The following KSR2 variants were observed in gnomAD, a reference collection of about 807,000 sequenced individuals.
KSR2 encodes kinase suppressor of ras 2.
Under a neutral mutation model 107.8 loss-of-function variants are expected in KSR2, and 25 were observed. The observed-to-expected ratio is 0.23, with a 90% CI of 0.17 to 0.32. KSR2 has a LOEUF of 0.32. KSR2 is among the 10% of genes least tolerant of loss of function. The probability of loss-of-function intolerance (pLI) is 1.00; values close to 1 mark genes in which losing one functional copy is unlikely to be tolerated. For synonymous variants in KSR2, 480 were observed against 507.0 expected, an observed-to-expected ratio of 0.95 and a Z score of 0.71; for missense variants, 887 against 1,268.9, an observed-to-expected ratio of 0.70 and a Z score of 4.57.
At chr12:117,485,786 C>T (rs1015237735) in intron 14 of KSR2, 95 bp from the exon 15 acceptor site, 16 of 803,432 alleles carry the variant, frequency 2.0e-5, no homozygotes, top group African/African-American at 5.0e-5. Context: ...GGCATAGACA[C>T]GTGGACATGC....
chr12:117,519,134 A>T (rs1874576707), intron 14 of KSR2, among the ~76,000 whole-genome samples: 1 of 152,214 alleles, frequency 6.6e-6, no homozygotes, highest in Non-Finnish European at 1.5e-5. Flanking sequence ...CGTTAGTGGA[A>T]TGTGCTAGCA....
intron 1 of KSR2, among the ~76,000 whole-genome samples, chr12:117,881,988 G>A (rs981359947): frequency 3.6e-4 from 55 of 152,270 alleles, no homozygotes; most frequent in East Asian, 5.8e-4. Context: ...AGTGTCCTGC[G>A]CATATTTACA....
intron 5 of KSR2, among the ~76,000 whole-genome samples, chr12:117,592,463 G>T (rs541043256): frequency 2.0e-5 from 3 of 152,182 alleles, no homozygotes; most frequent in African/African-American, 7.2e-5. Flanking sequence ...CTGAGACCTG[G>T]CAGGTAACCA....
chr12:117,805,209 G>A (rs1890970961), intron 3 of KSR2, among the ~76,000 whole-genome samples: 1 of 152,230 alleles, frequency 6.6e-6, no homozygotes, highest in Non-Finnish European at 1.5e-5. Flanking sequence ...AGAACTTCTT[G>A]TTAAATGCTA....
chr12:117,960,893 A>C (rs941895467), intron 1 of KSR2, among the ~76,000 whole-genome samples: 1 of 145,978 alleles, frequency 6.9e-6, no homozygotes, highest in East Asian at 2.0e-4. Flanking sequence ...TCTGCCTTCC[A>C]GTCTCCAACC....
chr12:117,492,698 TG>T (rs1872809313), intron 14 of KSR2, among the ~76,000 whole-genome samples: 1 of 152,204 alleles, frequency 6.6e-6, no homozygotes, highest in Non-Finnish European at 1.5e-5. Context: ...CAGATTATCC[TG>T]GATTAGCCAG....
intron 3 of KSR2, among the ~76,000 whole-genome samples, chr12:117,794,454 A>C (rs1890518811): frequency 1.9e-5 from 2 of 102,714 alleles, no homozygotes; most frequent in Non-Finnish European, 2.1e-5. Flanking sequence ...ATGCACACAC[A>C]CCAACATGCA....
intron 5 of KSR2, among the ~76,000 whole-genome samples, chr12:117,637,619 G>A (rs889130488): frequency 6.6e-6 from 1 of 150,716 alleles, no homozygotes; most frequent in East Asian, 2.0e-4. Flanking sequence ...TGTCAGTCAG[G>A]TCCCTGGGAA....
chr12:117,593,552 C>A (rs569867934), intron 5 of KSR2, among the ~76,000 whole-genome samples: 1 of 152,234 alleles, frequency 6.6e-6, no homozygotes, highest in Non-Finnish European at 1.5e-5. Flanking sequence ...TTGGAATGTG[C>A]AAAATGGAAT....
intron 3 of KSR2, among the ~76,000 whole-genome samples, chr12:117,832,481 A>G (rs925450752): frequency 7.1e-4 from 108 of 152,230 alleles, no homozygotes; most frequent in Non-Finnish European, 3.1e-4. Context: ...CAGAGAATGC[A>G]GCAGGGCTGA....
At chr12:117,570,930 T>C (rs1878849530) in intron 7 of KSR2, among the ~76,000 whole-genome samples, 1 of 152,150 alleles carries the variant, frequency 6.6e-6, no homozygotes. Flanking sequence ...ATGAATATTC[T>C]TGCAAATGAT....
At chr12:117,646,173 C>A (rs79331615) in intron 5 of KSR2, among the ~76,000 whole-genome samples, 4,693 of 152,134 alleles carry the variant, frequency 0.031, 241 homozygotes, top group African/African-American at 0.11. Flanking sequence ...TCAGTACAGA[C>A]ATAATTATCC....
At chr12:117,481,440 T>C (rs1447207743) in intron 16 of KSR2, among the ~76,000 whole-genome samples, 1 of 152,150 alleles carries the variant, frequency 6.6e-6, no homozygotes. Context: ...GACCTCTCTC[T>C]CTCTCTTTCG....
chr12:117,613,113 C>T lies in KSR2; in HGVS notation c.1172-30754G>A, dbSNP rs992181548. Among the ~76,000 whole-genome samples the T allele has an allele frequency of 2.6e-5, 4 of 152,138 alleles. No individual in the cohort carries two copies. In the East Asian group the frequency reaches 5.8e-4, roughly 22 times the overall value. On this transcript the variant is annotated intron_variant, in intron 5 of 19. Transcript: ENST00000339824. ...AAGGCAAAACCATTTTTCAGCTCTT[C>T]GGCTAGCAAATCCTGACAAAGACTG...
chr12:117,968,190 C>A lies in KSR2; in HGVS notation c.66G>T (p.Gln22His). Residue 22 changes from glutamine to histidine, a missense_variant, in exon 1 of 20, where the codon CAG (glutamine) becomes CAT (histidine). Physicochemically the swap from Gln to His is conservative, Grantham distance 24. Coordinates refer to ENST00000339824, the MANE Select transcript of KSR2 (RefSeq NM_173598.6). ...TCATGTTTTGGACCAGTTCGCACTG[C>A]TGTAAGGCTTTTTGCAAACTCAGAG... Reference protein sequence around the residue: ...QQPLSLQKALQQCELVQNMID... With the variant: ...QQPLSLQKALHQCELVQNMID... 6.2e-7 allele frequency: 1 copy of A among 1,609,906 alleles called. No individual in the cohort carries two copies. Among genetic ancestry groups the A allele is most frequent in the Non-Finnish European group, 8.5e-7 (1 of 1,178,150 alleles).
At chr12:117,785,350 G>T (rs1474289631) in intron 3 of KSR2, among the ~76,000 whole-genome samples, 1 of 141,758 alleles carries the variant, frequency 7.1e-6, no homozygotes, top group Non-Finnish European at 1.5e-5. Context: ...GGGAGGTGAA[G>T]GTTGCAGTGA....
chr12:117,719,232 C>T (rs1382962660), intron 4 of KSR2, among the ~76,000 whole-genome samples: 1 of 152,124 alleles, frequency 6.6e-6, no homozygotes, highest in African/African-American at 2.4e-5. Flanking sequence ...CCCTCCACCC[C>T]AGTCCAGACT....
At chr12:117,565,813 T>C (rs816181) in intron 7 of KSR2, among the ~76,000 whole-genome samples, 11,528 of 152,222 alleles carry the variant, frequency 0.076, 525 homozygotes, top group East Asian at 0.24. Context: ...CATTGTGTAG[T>C]CATGTGTAAT....
chr12:117,632,302 GC>G (rs1882846959), intron 5 of KSR2, among the ~76,000 whole-genome samples: 1 of 130,358 alleles, frequency 7.7e-6, no homozygotes, highest in African/African-American at 2.9e-5. Flanking sequence ...TTGGTTCACT[GC>G]AACCTCCACC....
Sources: gnomAD v4.1 joint callset for allele counts (sites outside exome capture counted in the v4.1 genomes callset) on GRCh38, gnomAD v4.1.1 for gene constraint, MANE v1.5 for transcripts, NCBI Gene and HGNC (gene_info 2026-07-23, HGNC 2026-07-21) for gene names.